The following NAA16 variants were observed in gnomAD, a reference collection of about 807,000 sequenced individuals.
NAA16 encodes NARG1-like protein.
Under a neutral mutation model 110.3 loss-of-function variants are expected in NAA16, and 97 were observed. That is an observed-to-expected ratio of 0.88 (90% CI 0.75 to 1.04). The LOEUF (loss-of-function observed/expected upper bound fraction) is 1.04. Ranked by LOEUF, NAA16 falls within the 50% of genes least tolerant of loss-of-function variation. The pLI is 0.00. For synonymous variants in NAA16, 372 were observed against 330.6 expected (o/e 1.13, Z -1.36); for missense variants, 1,017 against 1,005.1 (o/e 1.01, Z -0.16).
At chr13:41,355,630 A>G (rs1428786862) in intron 10 of NAA16, among the ~76,000 whole-genome samples, 1 of 152,106 alleles carries the variant, frequency 6.6e-6, no homozygotes, top group Non-Finnish European at 1.5e-5. Context: ...GGGTTTCACC[A>G]TGTTGGCCAG....
chr13:41,362,387 G>C (rs772042567), intron 13 of NAA16: 4 of 438,770 alleles, frequency 9.1e-6, no homozygotes, highest in Non-Finnish European at 1.6e-5. Context: ...GAAGGAAAAA[G>C]ATTGTTAGTA....
intron 15 of NAA16, among the ~76,000 whole-genome samples, chr13:41,369,936 A>G (rs992790029): frequency 6.6e-6 from 1 of 152,210 alleles, no homozygotes; most frequent in African/African-American, 2.4e-5. Context: ...GTTTTAAGTC[A>G]ATAAATATTT....
chr13:41,357,067 C>T (rs2043005875), intron 10 of NAA16, among the ~76,000 whole-genome samples: 1 of 152,140 alleles, frequency 6.6e-6, no homozygotes, highest in Non-Finnish European at 1.5e-5. Context: ...ACCTGTGATC[C>T]CAACACTTTT....
intron 12 of NAA16, among the ~76,000 whole-genome samples, chr13:41,361,824 G>A (rs976953093): frequency 6.6e-5 from 10 of 152,326 alleles, no homozygotes; most frequent in African/African-American, 1.9e-4. Context: ...GACCATGGTC[G>A]ACTGTGGGTA....
Position 41,373,633 on chromosome 13 carries a change from A to G in NAA16, c.2156-4A>G, listed in dbSNP as rs188534620. 5,879 of 1,568,158 alleles carry G rather than the reference A, an allele frequency of 3.7e-3. 16 individuals carry two copies. The highest frequency in any genetic ancestry group is 5.2e-3 in the Middle Eastern group (30 of 5,820). ...AAAAAATCCAAATGTTTTTGTTTTTATAGTGTCTAATCATAGTAATCTTCC... is the reference window on the plus strand; with the variant it reads ...AAAAAATCCAAATGTTTTTGTTTTTGTAGTGTCTAATCATAGTAATCTTCC... On this transcript the variant is annotated splice_region_variant and splice_polypyrimidine_tract_variant and intron_variant, in intron 17 of 19. Coordinates refer to ENST00000379406, the MANE Select transcript of NAA16 (RefSeq NM_024561.5).
intron 9 of NAA16, among the ~76,000 whole-genome samples, chr13:41,347,464 T>G (rs1011299493): frequency 2.0e-5 from 3 of 152,140 alleles, no homozygotes; most frequent in Admixed American, 6.5e-5. Context: ...CTTAACAATA[T>G]TAAGTCAATC....
intron 12 of NAA16, 79 bp downstream of exon 12, chr13:41,359,041 T>A: frequency 8.0e-7 from 1 of 1,257,496 alleles, no homozygotes; most frequent in Non-Finnish European, 1.1e-6. Flanking sequence ...AGACAGTTTG[T>A]GAAGAACTTC....
chr13:41,313,155 CATT>C (rs1377481931), intron 1 of NAA16, among the ~76,000 whole-genome samples: 1 of 151,966 alleles, frequency 6.6e-6, no homozygotes, highest in Non-Finnish European at 1.5e-5. Context: ...GAAAAAGTTA[CATT>C]ATTATTCTTA....
intron 12 of NAA16, among the ~76,000 whole-genome samples, chr13:41,361,603 A>G (rs543039658): frequency 2.0e-5 from 3 of 152,310 alleles, no homozygotes; most frequent in African/African-American, 7.2e-5. Context: ...ATAAGACGTT[A>G]TGTATATGTG....
intron 13 of NAA16, chr13:41,362,680 T>C (rs1049497191): frequency 5.2e-5 from 67 of 1,288,330 alleles, no homozygotes; most frequent in Non-Finnish European, 6.8e-5. Context: ...AGGGGACTTT[T>C]CTTTTCCTTT....
At chr13:41,341,067 T>TTAC (rs2042531990) in intron 9 of NAA16, among the ~76,000 whole-genome samples, 1 of 152,064 alleles carries the variant, frequency 6.6e-6, no homozygotes, top group Admixed American at 6.5e-5. Flanking sequence ...GAAGAGTGCT[T>TTAC]TACTTCCAGT....
chr13:41,358,786 GGTTCCTTT>G lies in NAA16; in HGVS notation c.1258-23_1258-16del, dbSNP rs1444657362. On this transcript the variant is annotated splice_polypyrimidine_tract_variant and intron_variant, in intron 11 of 19. Coordinates refer to ENST00000379406, the MANE Select transcript of NAA16 (RefSeq NM_024561.5). ...TCATATTCTCTTGATTATAAATTGT[GGTTCCTTT>G]AATTATCTTTTATAGCATATAGGTA... 1 of 1,542,416 alleles carries G rather than the reference GGTTCCTTT, an allele frequency of 6.5e-7. No homozygotes were observed. The highest frequency in any genetic ancestry group is 1.4e-5 in the African/African-American group (1 of 72,288).
chr13:41,313,882 G>A (rs1334862703), intron 1 of NAA16, among the ~76,000 whole-genome samples: 1 of 139,654 alleles, frequency 7.2e-6, no homozygotes, highest in African/African-American at 2.6e-5. Flanking sequence ...TTTTTTTTGC[G>A]AGAGTGTATC....
chr13:41,313,203 A>G (rs766805478), intron 1 of NAA16, among the ~76,000 whole-genome samples: 2 of 152,164 alleles, frequency 1.3e-5, no homozygotes, highest in African/African-American at 2.4e-5. Context: ...CCCCAAATAA[A>G]TTGGGAAATG....
chr13:41,346,464 A>C (rs949879827), intron 9 of NAA16, among the ~76,000 whole-genome samples: 2 of 152,374 alleles, frequency 1.3e-5, no homozygotes, highest in South Asian at 4.1e-4. Flanking sequence ...GAGACGAGGC[A>C]TGCTGTGCCA....
chr13:41,355,156 C>A lies in NAA16; in HGVS notation c.1027C>A (p.Gln343Lys). Residue 343 changes from glutamine (Q) to lysine (K), a missense_variant, in exon 10 of 20, where the codon CAG becomes AAG. Physicochemically the swap from Gln to Lys is moderately conservative, Grantham distance 53. Coordinates refer to ENST00000379406, the MANE Select transcript of NAA16 (RefSeq NM_024561.5). ...YYNTEKVSII[Q>K]ELVTNYEASL... ...GTTTCTTTAACAGGTTTCTATAATCCAGGAACTTGTTACTAATTATGAAGC... is the reference window on the plus strand; with the variant it reads ...GTTTCTTTAACAGGTTTCTATAATCAAGGAACTTGTTACTAATTATGAAGC... 1 of 1,578,286 alleles carries A rather than the reference C, an allele frequency of 6.3e-7. No individual in the cohort carries two copies.
intron 1 of NAA16, among the ~76,000 whole-genome samples, chr13:41,313,298 G>A (rs1442117668): frequency 6.6e-6 from 1 of 152,186 alleles, no homozygotes; most frequent in Non-Finnish European, 1.5e-5. Context: ...GGCTTGAAGC[G>A]ATCTTCCCAC....
At chr13:41,331,043 T>C (rs987109391) in intron 7 of NAA16, among the ~76,000 whole-genome samples, 28 of 152,100 alleles carry the variant, frequency 1.8e-4, no homozygotes, top group African/African-American at 6.5e-4. Flanking sequence ...TTTAGAATCT[T>C]GCAATGAGAG....
chr13:41,343,594 C>T (rs1039590544), intron 9 of NAA16, among the ~76,000 whole-genome samples: 3 of 152,006 alleles, frequency 2.0e-5, no homozygotes, highest in Non-Finnish European at 4.4e-5. Flanking sequence ...GCAGTGGCAC[C>T]ATCTCGGCTC....
Sources: allele counts gnomAD v4.1 joint callset (sites outside exome capture counted in the v4.1 genomes callset), GRCh38; gene constraint gnomAD v4.1.1; transcripts MANE v1.5; gene names NCBI Gene and HGNC (gene_info 2026-07-23, HGNC 2026-07-21).